COLQ: variants seen among roughly 807,000 people sequenced by gnomAD.
COLQ encodes the protein collagen like tail subunit of asymmetric acetylcholinesterase.
COLQ carries 48 observed loss-of-function variants against 69.0 expected under a neutral mutation model. That is an observed-to-expected ratio of 0.70 (90% confidence interval 0.55 to 0.88). COLQ has a LOEUF of 0.88. COLQ is among the 40% of genes least tolerant of loss of function. The pLI, the probability that COLQ is intolerant of heterozygous loss-of-function variation, is 0.00. For missense variants in COLQ, 618 were observed against 594.6 expected (o/e 1.04, Z -0.41); for synonymous variants, 217 against 211.2 (o/e 1.03, Z -0.24).
At chr3:15,505,668 T>C (rs747477692) in intron 1 of COLQ, among the ~76,000 whole-genome samples, 3 of 152,236 alleles carry the variant, frequency 2.0e-5, no homozygotes, top group Non-Finnish European at 1.5e-5. Context: ...CTATTAAATC[T>C]TCTGCCAGTG....
At chr3:15,462,053 G>T (rs1436526463) in intron 12 of COLQ, among the ~76,000 whole-genome samples, 1 of 150,940 alleles carries the variant, frequency 6.6e-6, no homozygotes. Context: ...TTTTGAGATG[G>T]AGTCTTACTC....
chr3:15,459,827 G>A (rs761764231), intron 12 of COLQ, among the ~76,000 whole-genome samples: 4 of 151,618 alleles, frequency 2.6e-5, no homozygotes, highest in Non-Finnish European at 4.4e-5. Context: ...TTAAGTTTTA[G>A]GGTACATGTG....
chr3:15,475,094 C>A, intron 7 of COLQ, 143 bp from the exon 8 acceptor site: 1 of 886,392 alleles, frequency 1.1e-6, no homozygotes. Flanking sequence ...CAGCACCAAA[C>A]ACAAAGATGT....
rs144961978 is a variant in COLQ, at chr3:15,487,998, T to C, written c.321+208A>G. Among the ~76,000 whole-genome samples, 1,608 of 152,310 alleles carry C rather than the reference T, an allele frequency of 0.011. 10 individuals are homozygous for C. Among genetic ancestry groups the C allele is most frequent in the Non-Finnish European group, 0.017 (1,135 of 68,010 alleles). On this transcript the variant is annotated intron_variant, in intron 3 of 16. Transcript: ENST00000383788. ...AGGGACAATTATTATCCCCATTGCA[T>C]AGATGAGGAAATCAAGGATGGGAGG...
At chr3:15,521,385 G>C in intron 1 of COLQ, 135 bp downstream of exon 1, 1 of 1,151,266 alleles carries the variant, frequency 8.7e-7, no homozygotes, top group East Asian at 2.6e-5. Context: ...AGCTGCTGGG[G>C]TGGCCGTCTT....
intron 15 of COLQ, 64 bp from the exon 16 acceptor site, chr3:15,453,995 G>T (rs2125081961): frequency 6.7e-6 from 8 of 1,193,030 alleles, no homozygotes; most frequent in Non-Finnish European, 9.8e-6. Flanking sequence ...GCCTCAGCTT[G>T]TAAGGACCAT....
intron 4 of COLQ, 87 bp downstream of exon 4, chr3:15,479,251 C>T: frequency 1.4e-6 from 2 of 1,444,090 alleles, no homozygotes; most frequent in Non-Finnish European, 2.0e-6. Flanking sequence ...GTTTGGAAAT[C>T]TCAACTAGGA....
At chr3:15,458,070 T>C in intron 13 of COLQ, 116 bp downstream of exon 13, 1 of 1,092,724 alleles carries the variant, frequency 9.2e-7, no homozygotes, top group South Asian at 1.3e-5. Context: ...AATGAGGGTG[T>C]ACTCAGAGTC....
At chr3:15,477,078 C>G in intron 6 of COLQ, 48 bp downstream of exon 6, 1 of 1,525,264 alleles carries the variant, frequency 6.6e-7, no homozygotes, top group South Asian at 1.2e-5. Flanking sequence ...CCATCTTCCC[C>G]CCTCTTGTTT....
intron 1 of COLQ, among the ~76,000 whole-genome samples, chr3:15,515,236 T>C (rs1246422783): frequency 6.6e-6 from 1 of 152,208 alleles, no homozygotes; most frequent in Non-Finnish European, 1.5e-5. Flanking sequence ...GTTTGTTGAA[T>C]TAATAAATCC....
intron 1 of COLQ, among the ~76,000 whole-genome samples, chr3:15,490,798 A>G (rs1220914983): frequency 6.6e-6 from 1 of 152,230 alleles, no homozygotes; most frequent in Non-Finnish European, 1.5e-5. Context: ...AATTGATCCA[A>G]CCTCTTTGGA....
At chr3:15,499,502 G>A (rs557910515) in intron 1 of COLQ, among the ~76,000 whole-genome samples, 11 of 152,168 alleles carry the variant, frequency 7.2e-5, no homozygotes, top group Non-Finnish European at 1.5e-4. Context: ...CAGGACAGCA[G>A]CCATAGACAA....
At position 15,488,269 on chromosome 3, in the gene COLQ, C is replaced by T; in HGVS notation, c.258G>A (p.Leu86=). ...GCATGCACGGGGACTGCGAGGTCTC[C>T]AGTTCCAGCATGAGATTCTTCATGT... ...SPDMKNLMLE[L]ETSQSPCMQG... Residue 86 remains leucine (L), a synonymous_variant, in exon 3 of 17, where the codon CTG becomes CTA. Coordinates refer to ENST00000383788, the MANE Select transcript of COLQ (RefSeq NM_005677.4). The T allele has an allele frequency of 6.2e-7, 1 of 1,613,638 alleles. No homozygotes were observed. The highest frequency in any genetic ancestry group is 8.5e-7 in the Non-Finnish European group (1 of 1,179,988).
intron 1 of COLQ, among the ~76,000 whole-genome samples, chr3:15,505,656 T>C (rs1204506747): frequency 6.6e-6 from 1 of 152,212 alleles, no homozygotes; most frequent in Non-Finnish European, 1.5e-5. Context: ...AATCAGCCGG[T>C]GCTATTAAAT....
chr3:15,477,180 T>A lies in COLQ; in HGVS notation c.411A>T (p.Pro137=). Residue 137 remains proline, a synonymous_variant, in exon 6 of 17, where the codon CCA becomes CCT. Coordinates refer to ENST00000383788, the MANE Select transcript of COLQ (RefSeq NM_005677.4). ...RPGRKGRPGP[P]GVPGMPGPIG... ...TGGGCCCAGGCATGCCAGGAACACC[T>A]GGGGGGCCAGGTCTACCCTTCAAAG... The A allele has an allele frequency of 6.2e-7, 1 of 1,606,368 alleles. No homozygotes were observed. Among genetic ancestry groups the A allele is most frequent in the Non-Finnish European group, 8.5e-7 (1 of 1,176,854 alleles).
At chr3:15,485,297 C>A (rs1274445513) in intron 3 of COLQ, among the ~76,000 whole-genome samples, 1 of 152,186 alleles carries the variant, frequency 6.6e-6, no homozygotes, top group Non-Finnish European at 1.5e-5. Context: ...TATGAGGTGT[C>A]AGTCGGCCCC....
chr3:15,508,180 T>G (rs1341053174), intron 1 of COLQ, among the ~76,000 whole-genome samples: 2 of 152,346 alleles, frequency 1.3e-5, no homozygotes, highest in South Asian at 2.1e-4. Flanking sequence ...TTCATTCATT[T>G]GTAACTTATT....
chr3:15,468,321 GTTTTTTTTTTTT>G (rs540716062), intron 11 of COLQ, among the ~76,000 whole-genome samples: 4 of 71,258 alleles, frequency 5.6e-5, no homozygotes, highest in South Asian at 7.5e-4. Context: ...AGTTACTGAA[GTTTTTTTTTTTT>G]TTTTTTTTTT....
At chr3:15,490,286 T>A (rs954515762) in intron 1 of COLQ, among the ~76,000 whole-genome samples, 3 of 152,242 alleles carry the variant, frequency 2.0e-5, no homozygotes, top group African/African-American at 7.2e-5. Context: ...TTAGTAAATG[T>A]TCAATGTTGA....
Sources: allele counts gnomAD v4.1 joint callset (sites outside exome capture counted in the v4.1 genomes callset), GRCh38; gene constraint gnomAD v4.1.1; transcripts MANE v1.5; gene names NCBI Gene and HGNC (gene_info 2026-07-23, HGNC 2026-07-21).